NFAT5: variants seen among roughly 807,000 people sequenced by gnomAD.
NFAT5 encodes the protein nuclear factor of activated T cells 5, also known as nuclear factor of activated T-cells 5.
A neutral mutation model predicts 166.5 loss-of-function variants in NFAT5; 31 were observed. The observed-to-expected ratio is 0.19, with a 90% CI of 0.14 to 0.25. NFAT5 has a LOEUF of 0.25. Among genes scored for constraint, NFAT5 ranks in the 10% least tolerant of loss-of-function variants. NFAT5 has a pLI of 1.00. For missense variants in NFAT5, 1,449 were observed against 1,821.8 expected, an observed-to-expected ratio of 0.80 and a Z score of 3.72; for synonymous variants, 612 against 639.7, an observed-to-expected ratio of 0.96 and a Z score of 0.65.
At chr16:69,662,832 A>C (rs2036211935) in intron 7 of NFAT5, among the ~76,000 whole-genome samples, 1 of 152,176 alleles carries the variant, frequency 6.6e-6, no homozygotes, top group African/African-American at 2.4e-5. Context: ...CCACTTAGGA[A>C]GCTTGATGCT....
Position 69,691,944 on chromosome 16 carries a change from T to C in NFAT5, c.2119T>C (p.Phe707Leu), listed in dbSNP as rs1311432825. The C allele has an allele frequency of 6.2e-7, 1 of 1,614,052 alleles. No homozygotes were observed. The highest frequency in any genetic ancestry group is 1.3e-5 in the African/African-American group (1 of 74,908). Residue 707 changes from phenylalanine (F) to leucine (L), a missense_variant, in exon 13 of 15, where the codon TTT becomes CTT. Around this residue, in one of 7 missense-constraint regions of NFAT5, gnomAD observed 891 missense variants for 993.0 expected, o/e 0.90. Coordinates refer to ENST00000349945, the MANE Select transcript of NFAT5 (RefSeq NM_138713.4). ...QTQDISQPGT[F>L]PAVSASSQLP... is the part of the protein sequence containing the mutation. Reference sequence around the variant, plus strand: ...CCAGGACATCTCACAGCCTGGTACTTTTCCAGCAGTTTCTGCTTCTAGTCA... The same window carrying C: ...CCAGGACATCTCACAGCCTGGTACTCTTCCAGCAGTTTCTGCTTCTAGTCA...
intron 2 of NFAT5, among the ~76,000 whole-genome samples, chr16:69,605,712 CTT>C (rs948002773): frequency 1.4e-5 from 2 of 145,364 alleles, no homozygotes; most frequent in Non-Finnish European, 3.0e-5. Context: ...TCCCTTTTTT[CTT>C]TTTTTTTTTT....
At chr16:69,592,080 CTTTT>C (rs3037496) in intron 2 of NFAT5, among the ~76,000 whole-genome samples, 2 of 118,120 alleles carry the variant, frequency 1.7e-5, no homozygotes, top group Non-Finnish European at 1.7e-5. Context: ...ATTACTTTTT[CTTTT>C]TTTTTTTTTT....
At chr16:69,575,669 T>G (rs572765003) in intron 2 of NFAT5, among the ~76,000 whole-genome samples, 2 of 135,236 alleles carry the variant, frequency 1.5e-5, no homozygotes, top group South Asian at 4.9e-4. Flanking sequence ...GAAAAAAATT[T>G]AGTTTTAATA....
intron 3 of NFAT5, among the ~76,000 whole-genome samples, chr16:69,643,368 A>G (rs2035299552): frequency 6.6e-6 from 1 of 152,166 alleles, no homozygotes; most frequent in African/African-American, 2.4e-5. Flanking sequence ...GAATGCTTGG[A>G]AATGACTAAT....
At chr16:69,619,344 T>A (rs1373111439) in intron 2 of NFAT5, among the ~76,000 whole-genome samples, 1 of 152,242 alleles carries the variant, frequency 6.6e-6, no homozygotes, top group African/African-American at 2.4e-5. Flanking sequence ...TTGTTGTATA[T>A]ATTTTATTTG....
At chr16:69,642,328 C>G (rs1474502323) in intron 3 of NFAT5, among the ~76,000 whole-genome samples, 1 of 152,084 alleles carries the variant, frequency 6.6e-6, no homozygotes, top group Non-Finnish European at 1.5e-5. Flanking sequence ...TAACTGGCTA[C>G]TGTTAATAGT....
intron 10 of NFAT5, 76 bp from the exon 11 acceptor site, chr16:69,684,811 C>G (rs1284945898): frequency 6.7e-6 from 6 of 896,162 alleles, no homozygotes; most frequent in Non-Finnish European, 1.0e-5. Flanking sequence ...ACAAGATATT[C>G]TAATTAAAGA....
chr16:69,644,102 T>C (rs966910194), intron 3 of NFAT5, among the ~76,000 whole-genome samples: 1 of 152,000 alleles, frequency 6.6e-6, no homozygotes, highest in Non-Finnish European at 1.5e-5. Flanking sequence ...CTGGGCAGCA[T>C]GACAAAACTT....
At chr16:69,632,436 G>A (rs765328827) in intron 3 of NFAT5, 10 of 152,008 alleles carry the variant, frequency 6.6e-5, no homozygotes, top group African/African-American at 1.9e-4. Flanking sequence ...TTAGGGAAAC[G>A]CAAGATCCTT....
rs2037947975 is a variant in NFAT5, at chr16:69,704,381, A to T, written c.*8030A>T. 6.6e-6 allele frequency: 1 copy of T among 152,610 alleles called. No individual in the cohort carries two copies. Among genetic ancestry groups the T allele is most frequent in the Non-Finnish European group, 1.5e-5 (1 of 68,044 alleles). The allele number at this position is 152,610 out of a possible 1,614,324, so 9.5% of individuals were successfully genotyped here. A position where few individuals can be genotyped will look rare whatever the true frequency, so the allele number is the denominator to read the frequency against. ...TAATTTTATTTGCTTGAGCACACTG[A>T]TCAACCACTGAACTGCCTTCTTCCA... is the stretch of plus-strand genomic sequence containing the variant. On this transcript the variant is annotated 3_prime_UTR_variant, in exon 15 of 15. Coordinates refer to ENST00000349945, the MANE Select transcript of NFAT5 (RefSeq NM_138713.4).
chr16:69,627,353 TA>T (rs2034514851), intron 3 of NFAT5, among the ~76,000 whole-genome samples: 6 of 6,936 alleles, frequency 8.7e-4, no homozygotes, highest in Non-Finnish European at 1.8e-3. Context: ...TATATATATA[TA>T]TATATATATA....
intron 2 of NFAT5, among the ~76,000 whole-genome samples, chr16:69,581,151 C>T (rs368446091): frequency 6.6e-6 from 1 of 152,148 alleles, no homozygotes; most frequent in African/African-American, 2.4e-5. Flanking sequence ...AAGTGATTCT[C>T]ATGCCTCACC....
At chr16:69,678,264 G>A (rs1399240917) in intron 10 of NFAT5, among the ~76,000 whole-genome samples, 1 of 151,634 alleles carries the variant, frequency 6.6e-6, no homozygotes, top group East Asian at 2.0e-4. Flanking sequence ...GCCCAGGCTG[G>A]AGTGCAATGG....
chr16:69,634,606 G>T (rs937216177), intron 3 of NFAT5, among the ~76,000 whole-genome samples: 1 of 152,000 alleles, frequency 6.6e-6, no homozygotes, highest in African/African-American at 2.4e-5. Flanking sequence ...TAATTACAGG[G>T]TATTATCATC....
chr16:69,638,951 GTCTC>G (rs1258730098), intron 3 of NFAT5, among the ~76,000 whole-genome samples: 3 of 151,774 alleles, frequency 2.0e-5, no homozygotes, highest in Admixed American at 6.6e-5. Flanking sequence ...GTTTGTCTCT[GTCTC>G]TCTCTCTTTT....
chr16:69,681,640 G>A (rs145372179), intron 10 of NFAT5, among the ~76,000 whole-genome samples: 1,623 of 152,124 alleles, frequency 0.011, 33 homozygotes, highest in African/African-American at 0.036. Context: ...GGGATTGGCC[G>A]GGCACGGTGG....
At chr16:69,673,597 C>T (rs1048780527) in intron 9 of NFAT5, among the ~76,000 whole-genome samples, 23 of 152,022 alleles carry the variant, frequency 1.5e-4, no homozygotes, top group African/African-American at 5.3e-4. Context: ...GTGGCACATG[C>T]ATATAGTTCC....
intron 2 of NFAT5, among the ~76,000 whole-genome samples, chr16:69,619,067 T>C (rs1460999524): frequency 6.6e-6 from 1 of 152,218 alleles, no homozygotes; most frequent in Admixed American, 6.5e-5. Flanking sequence ...TGTACAACTT[T>C]ATTTTACTAT....
Sources: gnomAD v4.1 joint callset for allele counts (sites outside exome capture counted in the v4.1 genomes callset) on GRCh38, gnomAD v4.1.1 for gene constraint, gnomAD v4.1.1 regional missense constraint, MANE v1.5 for transcripts, NCBI Gene and HGNC (gene_info 2026-07-23, HGNC 2026-07-21) for gene names.